Variants in ABCA9 observed in about 807,000 individuals in gnomAD.
The protein encoded by ABCA9 is ATP binding cassette subfamily A member 9.
ABCA9 carries 183 observed loss-of-function variants against 205.3 expected under a neutral mutation model. That is an observed-to-expected ratio of 0.89 (90% CI 0.79 to 1.01). The LOEUF is 1.01. ABCA9 is among the 50% of genes least tolerant of loss of function. ABCA9 has a pLI of 0.00. For synonymous variants in ABCA9, 651 were observed against 683.3 expected, an observed-to-expected ratio of 0.95 and a Z score of 0.74; for missense variants, 1,805 against 1,912.4, an observed-to-expected ratio of 0.94 and a Z score of 1.05.
Position 69,035,360 on chromosome 17 carries a change from A to G in ABCA9, c.1014T>C (p.Leu338=). The change falls in exon 8 of 39, where the codon CTT becomes CTC. Residue 338 remains leucine, a synonymous_variant. Transcript: ENST00000340001. ...ATCCCAGGATCCCCCAAAAGACAAT[A>G]AGGAGAAACACAACCAAGCCCGTAA... The part of the protein sequence containing the change: ...PFLTGLVVFL[L]IVFWGILGFP... 6.2e-7 allele frequency: 1 copy of G among 1,609,844 alleles called. No homozygotes were observed. The highest frequency in any genetic ancestry group is 1.3e-5 in the African/African-American group (1 of 74,832).
At chr17:69,066,587 G>C in the ABCA9 span, among the ~76,000 whole-genome samples, 1 of 151,688 alleles carries the variant, frequency 6.6e-6, no homozygotes, top group African/African-American at 2.4e-5. Context: ...TGCGTAAGAC[G>C]GTATTGGATC....
At chr17:69,072,454 AG>A in the ABCA9 span, among the ~76,000 whole-genome samples, 6 of 152,228 alleles carry the variant, frequency 3.9e-5, no homozygotes, top group Non-Finnish European at 8.8e-5. Flanking sequence ...ACATTCTTAA[AG>A]AAAAGAATTT....
chr17:69,016,812 C>T (rs527889436), intron 21 of ABCA9, among the ~76,000 whole-genome samples: 12 of 152,062 alleles, frequency 7.9e-5, no homozygotes, highest in African/African-American at 2.4e-4. Flanking sequence ...TATAGGTTTT[C>T]ATAAATCCTG....
At chr17:68,994,971 G>A (rs1012361485) in intron 26 of ABCA9, among the ~76,000 whole-genome samples, 2 of 152,046 alleles carry the variant, frequency 1.3e-5, no homozygotes, top group African/African-American at 4.8e-5. Flanking sequence ...ACATCTCCTA[G>A]AAATATTTGC....
intron 1 of ABCA9, among the ~76,000 whole-genome samples, chr17:69,059,549 A>T (rs2144551074): frequency 6.6e-6 from 1 of 152,262 alleles, no homozygotes; most frequent in East Asian, 1.9e-4. Flanking sequence ...CAGCCCCCAG[A>T]AAGAGACACA....
chr17:69,000,768 G>A (rs1166028599), intron 25 of ABCA9, among the ~76,000 whole-genome samples: 2 of 150,832 alleles, frequency 1.3e-5, no homozygotes, highest in African/African-American at 4.9e-5. Flanking sequence ...AGCATGGAAT[G>A]TTCTTCCATT....
At chr17:68,986,969 GGA>G (rs367934617) in intron 31 of ABCA9, among the ~76,000 whole-genome samples, 1 of 152,232 alleles carries the variant, frequency 6.6e-6, no homozygotes, top group African/African-American at 2.4e-5. Context: ...CTAGCCCGTA[GGA>G]ACCAATATAC....
At chr17:69,061,354 T>G (rs2072243267), upstream of ABCA9, among the ~76,000 whole-genome samples, 1 of 151,844 alleles carries the variant, frequency 6.6e-6, no homozygotes, top group Non-Finnish European at 1.5e-5. Flanking sequence ...ATATATATTT[T>G]AAGTGACAAG....
At chr17:69,072,340 C>T in the ABCA9 span, among the ~76,000 whole-genome samples, 1 of 152,076 alleles carries the variant, frequency 6.6e-6, no homozygotes, top group South Asian at 2.1e-4. Flanking sequence ...TAAGGGCAGC[C>T]AGAGAGAAAG....
At chr17:69,030,483 G>A (rs948593237) in intron 10 of ABCA9, among the ~76,000 whole-genome samples, 3 of 152,126 alleles carry the variant, frequency 2.0e-5, no homozygotes, top group Non-Finnish European at 4.4e-5. Context: ...ATCATTTTAA[G>A]GGTTAGGGTT....
At position 68,982,461 on chromosome 17, in the gene ABCA9, A is replaced by C. The variant is rs114275422; in HGVS notation, c.4720+101T>G. The C allele has an allele frequency of 8.8e-4, 791 of 897,460 alleles. 7 individuals carry two copies. In the African/African-American group the frequency reaches 0.012, roughly 14 times the overall value. 55.6% of individuals were successfully genotyped at this position (897,460 alleles called of 1,614,324 possible). A position where few individuals can be genotyped will look rare whatever the true frequency, so the allele number is the denominator to read the frequency against. ...GTCTTAGTAATGTATTAATGATATA[A>C]CAGCATAATTCTATGTTTATGTATT... On this transcript the variant is annotated intron_variant, in intron 37 of 38. Coordinates refer to ENST00000340001, the MANE Select transcript of ABCA9 (RefSeq NM_080283.4).
chr17:69,069,662 C>T, the ABCA9 span, among the ~76,000 whole-genome samples: 1 of 151,414 alleles, frequency 6.6e-6, no homozygotes. Flanking sequence ...GATCTCTCTA[C>T]GACAGCGTTG....
chr17:69,007,390 G>C (rs920091515), intron 25 of ABCA9, among the ~76,000 whole-genome samples: 1 of 152,108 alleles, frequency 6.6e-6, no homozygotes, highest in African/African-American at 2.4e-5. Context: ...GACAGAGCGA[G>C]ACTCTGTCTC....
rs1303063798 is a variant in ABCA9, at chr17:68,989,902, C to T, written c.3866G>A (p.Arg1289Gln). 1.2e-5 allele frequency: 20 copies of T among 1,611,902 alleles called. 1 individual carries two copies. In the South Asian group the frequency reaches 1.8e-4, roughly 14 times the overall value. ...TTTCTTTTTGCCTGCATATTCCTTC[C>T]GTAGACAGCTGGCAATGATGACGGG... is the stretch of plus-strand genomic sequence containing the variant. ...ETPVIIASCL[R>Q]KEYAGKKKNC... The change falls in exon 30 of 39, where the codon CGG becomes CAG. Residue 1289 changes from arginine to glutamine, a missense_variant. By Grantham distance (43) the Arg-to-Gln change is conservative (BLOSUM62 1). Coordinates refer to ENST00000340001, the MANE Select transcript of ABCA9 (RefSeq NM_080283.4).
Position 69,018,454 on chromosome 17 carries a change from G to A in ABCA9, c.2726C>T (p.Pro909Leu). 4.4e-6 allele frequency: 7 copies of A among 1,604,334 alleles called. No individual in the cohort carries two copies. Among genetic ancestry groups the A allele is most frequent in the Non-Finnish European group, 5.9e-6 (7 of 1,176,864 alleles). The change falls in exon 20 of 39, where the codon CCA becomes CTA. Residue 909 changes from proline to leucine, a missense_variant. Transcript: ENST00000340001. ...NTYFLSPGQQ[P>L]QDPLTHLLVI... is the part of the protein sequence containing the mutation. Reference sequence around the variant, plus strand: ...CAGTAAATGGGTCAGAGGATCCTGTGGTTGTTGTCCTGGTGAGAGGAAGTA... The same window carrying A: ...CAGTAAATGGGTCAGAGGATCCTGTAGTTGTTGTCCTGGTGAGAGGAAGTA...
intron 36 of ABCA9, among the ~76,000 whole-genome samples, chr17:68,983,001 G>A (rs981577446): frequency 6.6e-6 from 1 of 152,126 alleles, no homozygotes; most frequent in Non-Finnish European, 1.5e-5. Context: ...GTGAGATCCT[G>A]TCTCAAAAAA....
chr17:68,986,031 G>T, intron 32 of ABCA9, 133 bp downstream of exon 32: 1 of 786,082 alleles, frequency 1.3e-6, no homozygotes. Flanking sequence ...ACACTGAACA[G>T]AGTTCTAGAT....
In ABCA9 at chr17:69,010,175, TA is replaced by T. The variant is rs372004651; in HGVS notation, c.3147+1800del. On this transcript the variant is annotated intron_variant, in intron 23 of 38. Transcript: ENST00000340001. The stretch of plus-strand genomic sequence containing the variant: ...TCCTAGTTGACAGGAGACAGTTAAT[TA>T]AAAAAAAAAAAAAGCAAAGGTTCAG... Among the ~76,000 whole-genome samples, 704 of 143,170 alleles carry T rather than the reference TA, an allele frequency of 4.9e-3. 6 individuals are homozygous for T. Among genetic ancestry groups the T allele is most frequent in the African/African-American group, 0.014 (557 of 38,566 alleles). 93.9% of individuals were successfully genotyped at this position (143,170 alleles called of 152,430 possible). A position where few individuals can be genotyped will look rare whatever the true frequency, so the allele number is the denominator to read the frequency against.
At chr17:68,988,272 G>A (rs1387611427) in intron 31 of ABCA9, among the ~76,000 whole-genome samples, 2 of 152,076 alleles carry the variant, frequency 1.3e-5, no homozygotes, top group Non-Finnish European at 2.9e-5. Flanking sequence ...ACCCAAACTT[G>A]GCCTAGACAT....
Sources: allele counts gnomAD v4.1 joint callset (sites outside exome capture counted in the v4.1 genomes callset), GRCh38; gene constraint gnomAD v4.1.1; transcripts MANE v1.5; gene names NCBI Gene and HGNC (gene_info 2026-07-23, HGNC 2026-07-21).